MAF: variants seen among roughly 807,000 people sequenced by gnomAD.
The protein encoded by MAF is transcription factor Maf.
MAF carries 10 observed loss-of-function variants against 22.0 expected under a neutral mutation model. That is an observed-to-expected ratio of 0.45 (90% CI 0.28 to 0.77). The LOEUF is 0.77. MAF is among the 30% of genes least tolerant of loss of function. The probability of loss-of-function intolerance (pLI) is 0.12; values close to 1 mark genes in which losing one functional copy is unlikely to be tolerated. For missense variants in MAF, 544 were observed against 548.4 expected (o/e 0.99, Z 0.08); for synonymous variants, 337 against 255.8 (o/e 1.32, Z -3.03).
chr16:79,574,369 C>T, the MAF span, among the ~76,000 whole-genome samples: 3 of 152,296 alleles, frequency 2.0e-5, no homozygotes, highest in Middle Eastern at 6.8e-3. Context: ...CTGCAGAAGT[C>T]TGTGCAAATA....
the MAF span, among the ~76,000 whole-genome samples, chr16:79,410,285 G>A: frequency 2.7e-3 from 405 of 152,328 alleles, no homozygotes; most frequent in African/African-American, 9.4e-3. Flanking sequence ...GATTCTGGGA[G>A]CTGCCCAATT....
At chr16:79,210,507 G>A in the MAF span, among the ~76,000 whole-genome samples, 1 of 152,148 alleles carries the variant, frequency 6.6e-6, no homozygotes, top group Non-Finnish European at 1.5e-5. Flanking sequence ...GTTCCTTAGT[G>A]TTTTCCTTGT....
the MAF span, among the ~76,000 whole-genome samples, chr16:79,232,942 G>A: frequency 6.1e-5 from 9 of 147,716 alleles, no homozygotes; most frequent in African/African-American, 1.8e-4. Flanking sequence ...CCGGGTTCAC[G>A]CCATTCTCCT....
the MAF span, among the ~76,000 whole-genome samples, chr16:79,504,720 G>A: frequency 6.6e-6 from 1 of 152,118 alleles, no homozygotes; most frequent in East Asian, 1.9e-4. Context: ...GATGATGGAT[G>A]GATATAAAAT....
the MAF span, among the ~76,000 whole-genome samples, chr16:79,260,535 A>G: frequency 2.1e-5 from 3 of 143,714 alleles, no homozygotes; most frequent in African/African-American, 7.6e-5. Flanking sequence ...ACTAGGATGG[A>G]AACACTATGA....
chr16:79,286,750 G>T, the MAF span, among the ~76,000 whole-genome samples: 4 of 152,068 alleles, frequency 2.6e-5, no homozygotes, highest in African/African-American at 7.2e-5. Context: ...ATGCCCACAC[G>T]TCCACCCGTT....
the MAF span, among the ~76,000 whole-genome samples, chr16:79,346,963 T>C: frequency 6.6e-6 from 1 of 152,130 alleles, no homozygotes; most frequent in African/African-American, 2.4e-5. Flanking sequence ...AGACCAACAT[T>C]GGGTGTGACT....
chr16:79,404,436 A>G, the MAF span, among the ~76,000 whole-genome samples: 1 of 152,124 alleles, frequency 6.6e-6, no homozygotes. Context: ...TGCTGGAATT[A>G]CTGCGTGAGC....
chr16:79,467,533 A>T, the MAF span, among the ~76,000 whole-genome samples: 50 of 152,322 alleles, frequency 3.3e-4, no homozygotes, highest in South Asian at 1.0e-2. Flanking sequence ...ACAGTGTGTA[A>T]GTAGGATGTG....
chr16:79,589,163 T>G (rs992285905), downstream of MAF, among the ~76,000 whole-genome samples: 9 of 152,166 alleles, frequency 5.9e-5, no homozygotes, highest in African/African-American at 2.2e-4. Flanking sequence ...AGGGTCCCTC[T>G]AAGAAAAAGG....
chr16:79,439,066 G>C, the MAF span, among the ~76,000 whole-genome samples: 144 of 152,122 alleles, frequency 9.5e-4, no homozygotes, highest in African/African-American at 3.2e-3. Flanking sequence ...AGCTCCAAGA[G>C]GCAGAGGCAG....
At chr16:79,264,789 C>G in the MAF span, among the ~76,000 whole-genome samples, 1 of 152,200 alleles carries the variant, frequency 6.6e-6, no homozygotes, top group Admixed American at 6.5e-5. Flanking sequence ...CCACCAGTTT[C>G]CCATGGATCT....
At chr16:79,551,017 G>C in the MAF span, among the ~76,000 whole-genome samples, 1 of 152,130 alleles carries the variant, frequency 6.6e-6, no homozygotes, top group African/African-American at 2.4e-5. Context: ...CCCCCGCATG[G>C]GGAGCAGCAA....
chr16:79,357,146 T>C, the MAF span, among the ~76,000 whole-genome samples: 255 of 152,084 alleles, frequency 1.7e-3, 2 homozygotes, highest in African/African-American at 6.0e-3. Context: ...GTCCCAGCTA[T>C]TTGGGAGGCT....
At chr16:79,570,079 C>G in the MAF span, among the ~76,000 whole-genome samples, 2 of 145,950 alleles carry the variant, frequency 1.4e-5, no homozygotes, top group South Asian at 2.2e-4. Context: ...TGTTTGGAAG[C>G]TATTTATTTA....
chr16:79,227,689 AT>A, the MAF span, among the ~76,000 whole-genome samples: 514 of 149,876 alleles, frequency 3.4e-3, 5 homozygotes, highest in Admixed American at 0.024. Flanking sequence ...TGAAGTATTG[AT>A]TTTTTTTTTG....
At chr16:79,444,248 G>A in the MAF span, among the ~76,000 whole-genome samples, 3 of 151,884 alleles carry the variant, frequency 2.0e-5, no homozygotes, top group African/African-American at 7.3e-5. Flanking sequence ...AGGATTTATA[G>A]CAAAATAAAA....
downstream of MAF, among the ~76,000 whole-genome samples, chr16:79,581,013 C>G (rs986367511): frequency 6.6e-6 from 1 of 152,074 alleles, no homozygotes; most frequent in Non-Finnish European, 1.5e-5. Context: ...CTCTTGGCTA[C>G]CCTTACTGCT....
chr16:79,562,315 C>G, the MAF span, among the ~76,000 whole-genome samples: 3,465 of 152,202 alleles, frequency 0.023, 61 homozygotes, highest in African/African-American at 0.059. Context: ...TTGTTTTGTT[C>G]CCATTGATAG....
Sources: allele counts gnomAD v4.1 joint callset (sites outside exome capture counted in the v4.1 genomes callset), GRCh38; gene constraint gnomAD v4.1.1; transcripts MANE v1.5; gene names NCBI Gene and HGNC (gene_info 2026-07-23, HGNC 2026-07-21).